Variants in ADAMTS9 observed in about 807,000 individuals in gnomAD.
The protein encoded by ADAMTS9 is ADAM metallopeptidase with thrombospondin type 1 motif 9, also known as A disintegrin and metalloproteinase with thrombospondin motifs 9.
In ADAMTS9, 107 loss-of-function variants were observed where a neutral mutation model predicts 257.1. The observed-to-expected ratio is 0.42, with a 90% confidence interval of 0.36 to 0.49. ADAMTS9 has a LOEUF of 0.49. Ranked by LOEUF, ADAMTS9 falls within the 20% of genes least tolerant of loss-of-function variation. ADAMTS9 has a pLI of 0.03. For missense variants in ADAMTS9, 2,353 were observed against 2,469.1 expected (o/e 0.95, Z 1.00); for synonymous variants, 982 against 880.9 (o/e 1.11, Z -2.03).
In ADAMTS9 at chr3:64,550,925, G is replaced by A; in HGVS notation, c.4836C>T (p.Cys1612=). ...VDRESCSLQP[C]EYVWITGEWS... is the part of the protein sequence containing the mutation. ...ATTCTCCTGTGATCCAGACATACTCGCAGGGTTGCAAACTACAGCTTTCAC... is the reference window on the plus strand; with the variant it reads ...ATTCTCCTGTGATCCAGACATACTCACAGGGTTGCAAACTACAGCTTTCAC... Residue 1612 remains cysteine, a synonymous_variant, in exon 31 of 40, where the codon TGC becomes TGT. Coordinates refer to ENST00000498707, the MANE Select transcript of ADAMTS9 (RefSeq NM_182920.2). 1 of 1,614,094 alleles carries A rather than the reference G, an allele frequency of 6.2e-7. No individual in the cohort carries two copies. The highest frequency in any genetic ancestry group is 8.5e-7 in the Non-Finnish European group (1 of 1,180,002).
chr3:64,601,793 A>T, intron 26 of ADAMTS9, 151 bp downstream of exon 26: 1 of 900,148 alleles, frequency 1.1e-6, no homozygotes, highest in Non-Finnish European at 1.6e-6. Flanking sequence ...GGCTGTAATT[A>T]ACCCATTACA....
intron 30 of ADAMTS9, among the ~76,000 whole-genome samples, chr3:64,555,897 CCCTAATG>C (rs1319663773): frequency 6.6e-6 from 1 of 152,090 alleles, no homozygotes; most frequent in Non-Finnish European, 1.5e-5. Flanking sequence ...TTTAGAGCAT[CCCTAATG>C]CCTAATGCCT....
intron 3 of ADAMTS9, among the ~76,000 whole-genome samples, chr3:64,676,243 G>A (rs553040780): frequency 6.6e-6 from 1 of 152,292 alleles, no homozygotes; most frequent in Admixed American, 6.5e-5. Flanking sequence ...AAGATCCTAA[G>A]AGACCAAAAT....
chr3:64,661,391 C>T (rs1183659788), intron 3 of ADAMTS9, among the ~76,000 whole-genome samples: 5 of 152,168 alleles, frequency 3.3e-5, no homozygotes, highest in African/African-American at 9.7e-5. Flanking sequence ...AAACAAGCAC[C>T]TACTATGTAC....
intron 39 of ADAMTS9, among the ~76,000 whole-genome samples, chr3:64,520,315 C>G (rs1374344061): frequency 1.3e-5 from 2 of 152,134 alleles, no homozygotes; most frequent in African/African-American, 4.8e-5. Flanking sequence ...GAAAAACGTT[C>G]CATGCTCATC....
intron 12 of ADAMTS9, 67 bp from the exon 13 acceptor site, chr3:64,633,946 T>C (rs1700433916): frequency 7.2e-7 from 1 of 1,388,094 alleles, no homozygotes; most frequent in Non-Finnish European, 9.9e-7. Flanking sequence ...ACATCACTCC[T>C]TCATTCATGA....
At chr3:64,678,611 G>A (rs760302571) in intron 3 of ADAMTS9, among the ~76,000 whole-genome samples, 1 of 152,178 alleles carries the variant, frequency 6.6e-6, no homozygotes, top group Admixed American at 6.5e-5. Context: ...GGGGTTGGGA[G>A]GGAAGATGAA....
chr3:64,604,149 T>A, intron 24 of ADAMTS9, 60 bp from the exon 25 acceptor site: 3 of 1,596,262 alleles, frequency 1.9e-6, no homozygotes, highest in Non-Finnish European at 2.6e-6. Context: ...TACTGGACAG[T>A]AGCCCACTTT....
intron 29 of ADAMTS9, among the ~76,000 whole-genome samples, chr3:64,568,113 G>C (rs554471958): frequency 6.6e-6 from 1 of 152,214 alleles, no homozygotes; most frequent in Non-Finnish European, 1.5e-5. Context: ...TGCTCCATCT[G>C]ATCCCTATTT....
At chr3:64,569,279 A>G (rs765195638) in intron 28 of ADAMTS9, among the ~76,000 whole-genome samples, 2 of 152,226 alleles carry the variant, frequency 1.3e-5, no homozygotes, top group Non-Finnish European at 2.9e-5. Flanking sequence ...TAAAACAGGC[A>G]AGAGGCTGGC....
At chr3:64,685,861 C>T (rs941855163) in intron 2 of ADAMTS9, among the ~76,000 whole-genome samples, 1 of 152,136 alleles carries the variant, frequency 6.6e-6, no homozygotes, top group African/African-American at 2.4e-5. Context: ...CTCCCGGCCA[C>T]CCCGCCAGTA....
At position 64,602,012 on chromosome 3, in the gene ADAMTS9, G is replaced by A. The variant is rs61754853; in HGVS notation, c.3949C>T (p.Arg1317Trp). ...HPFQNEDYRP[R>W]SASPSRTHVL... ...TGGGTGCGGCTGGGGCTGGCGCTCC[G>A]GGGACGATAGTCCTCATTTTGGAAG... is the stretch of plus-strand genomic sequence containing the variant. The change falls in exon 26 of 40, where the codon CGG becomes TGG. Residue 1317 changes from arginine to tryptophan, a missense_variant. Arg to Trp is a moderately radical substitution (Grantham distance 101, BLOSUM62 -3). This residue lies in a region of ADAMTS9 where 1,402 missense variants were observed against 1,441.4 expected (regional missense o/e 0.97). Coordinates refer to ENST00000498707, the MANE Select transcript of ADAMTS9 (RefSeq NM_182920.2). 497 of 1,613,880 alleles carry A rather than the reference G, an allele frequency of 3.1e-4. 3 individuals are homozygous for A. The highest frequency in any genetic ancestry group is 1.5e-3 in the African/African-American group (112 of 75,004).
intron 16 of ADAMTS9, among the ~76,000 whole-genome samples, chr3:64,626,410 C>T (rs966387681): frequency 1.3e-5 from 2 of 152,094 alleles, no homozygotes; most frequent in African/African-American, 4.8e-5. Context: ...CAAATAGAAA[C>T]TAAGTATGTT....
intron 19 of ADAMTS9, among the ~76,000 whole-genome samples, chr3:64,616,738 ATAT>A (rs1559793896): frequency 2.6e-5 from 4 of 152,186 alleles, no homozygotes; most frequent in Admixed American, 1.3e-4. Context: ...AAAATAAATA[ATAT>A]TCTTAAACTA....
At chr3:64,605,160 G>C (rs2084534482) in intron 23 of ADAMTS9, among the ~76,000 whole-genome samples, 2 of 152,022 alleles carry the variant, frequency 1.3e-5, no homozygotes, top group South Asian at 2.1e-4. Context: ...CTCTGTTTTT[G>C]GTCCAAAGAA....
rs1269951158 is a variant in ADAMTS9 at position 64,546,709 on chromosome 3, G to A, written c.5064+49C>T. The A allele has an allele frequency of 2.0e-6, 3 of 1,522,716 alleles. No individual in the cohort carries two copies. The South Asian group carries it at 3.9e-5, about 20-fold the overall frequency. The allele number at this position is 1,522,716 out of a possible 1,614,324, so 94.3% of individuals were successfully genotyped here. On this transcript the variant is annotated intron_variant, in intron 32 of 39. Coordinates refer to ENST00000498707, the MANE Select transcript of ADAMTS9 (RefSeq NM_182920.2). ...GTTAGGCAGGACATGTTTAAGACGG[G>A]GTTGAGATCCAAGGGCTTTCAGATT...
intron 28 of ADAMTS9, chr3:64,589,386 T>C (rs2084218170): frequency 6.6e-6 from 1 of 152,188 alleles, no homozygotes; most frequent in Non-Finnish European, 1.5e-5. Flanking sequence ...ATTCTGAACA[T>C]AGGTTGTTTC....
At chr3:64,645,773 G>A (rs1255523725) in intron 11 of ADAMTS9, among the ~76,000 whole-genome samples, 2 of 152,150 alleles carry the variant, frequency 1.3e-5, no homozygotes, top group Non-Finnish European at 2.9e-5. Context: ...CCTGCCTTGG[G>A]AATGCCTTGA....
chr3:64,676,424 T>C (rs925463314), intron 3 of ADAMTS9, among the ~76,000 whole-genome samples: 3 of 152,216 alleles, frequency 2.0e-5, no homozygotes, highest in African/African-American at 7.2e-5. Context: ...AAAGACTGCC[T>C]ATGTTCCTAG....
Sources: gnomAD v4.1 joint callset for allele counts (sites outside exome capture counted in the v4.1 genomes callset) on GRCh38, gnomAD v4.1.1 for gene constraint, gnomAD v4.1.1 regional missense constraint, MANE v1.5 for transcripts, NCBI Gene and HGNC (gene_info 2026-07-23, HGNC 2026-07-21) for gene names.